The following EXOC6B variants were observed in gnomAD, a reference collection of about 807,000 sequenced individuals.
EXOC6B encodes the protein exocyst complex component 6B, also known as SEC15 homolog B.
Under a neutral mutation model 113.5 loss-of-function variants are expected in EXOC6B, and 54 were observed. The observed-to-expected ratio is 0.48, with a 90% confidence interval of 0.38 to 0.60. The LOEUF (loss-of-function observed/expected upper bound fraction) is 0.60, where lower values mean the gene tolerates loss of function less well. Ranked by LOEUF, EXOC6B falls within the 20% of genes least tolerant of loss-of-function variation. EXOC6B has a pLI of 0.00. For synonymous variants in EXOC6B, 357 were observed against 339.0 expected (o/e 1.05, Z -0.58); for missense variants, 797 against 977.5 (o/e 0.82, Z 2.46).
intron 18 of EXOC6B, among the ~76,000 whole-genome samples, chr2:72,380,406 G>A (rs1049907200): frequency 1.3e-5 from 2 of 152,144 alleles, no homozygotes; most frequent in Non-Finnish European, 2.9e-5. Context: ...TTGGGAGGCC[G>A]AGGCGGGCAG....
chr2:72,817,079 G>T (rs1686290920), intron 1 of EXOC6B, among the ~76,000 whole-genome samples: 1 of 152,090 alleles, frequency 6.6e-6, no homozygotes, highest in Non-Finnish European at 1.5e-5. Context: ...ATATTGTAAT[G>T]AAACTTATTT....
intron 6 of EXOC6B, among the ~76,000 whole-genome samples, chr2:72,687,697 A>G (rs991962182): frequency 6.6e-6 from 1 of 152,178 alleles, no homozygotes; most frequent in African/African-American, 2.4e-5. Context: ...GCTTAAGAGG[A>G]GGTTAGACCC....
Position 72,197,252 on chromosome 2 carries a change from C to G in EXOC6B, c.2197-13065G>C, listed in dbSNP as rs1679229475. 2.6e-5 allele frequency among the ~76,000 whole-genome samples: 4 copies of G among 151,978 alleles called. No individual in the cohort carries two copies. In the South Asian group the frequency reaches 8.3e-4, roughly 32 times the overall value. ...TTTTATAGATAAAGAAAAGAAATCC[C>G]AAAAAGGTTAAAAGAATGGGCCAAA... On this transcript the variant is annotated intron_variant, in intron 20 of 21. Coordinates refer to ENST00000272427, the MANE Select transcript of EXOC6B (RefSeq NM_015189.3).
chr2:72,468,749 A>G (rs1272864235), intron 17 of EXOC6B, among the ~76,000 whole-genome samples: 1 of 152,126 alleles, frequency 6.6e-6, no homozygotes, highest in Non-Finnish European at 1.5e-5. Flanking sequence ...AATTCTAACG[A>G]TGTTAATTTT....
intron 18 of EXOC6B, chr2:72,464,565 A>G (rs1321889308): frequency 6.6e-6 from 1 of 152,266 alleles, no homozygotes; most frequent in African/African-American, 2.4e-5. Context: ...ACCACCTGGA[A>G]TCTCTACATA....
chr2:72,505,080 A>G (rs944123201), intron 11 of EXOC6B, among the ~76,000 whole-genome samples: 2 of 152,018 alleles, frequency 1.3e-5, no homozygotes, highest in Non-Finnish European at 2.9e-5. Flanking sequence ...TTTTCTTATA[A>G]TTTTATTGTA....
chr2:72,353,120 C>A (rs944445544), intron 19 of EXOC6B, among the ~76,000 whole-genome samples: 1 of 152,000 alleles, frequency 6.6e-6, no homozygotes, highest in Non-Finnish European at 1.5e-5. Context: ...GAGGGGCACC[C>A]GTGCTAAATA....
chr2:72,629,271 G>T (rs1231412138), intron 6 of EXOC6B, among the ~76,000 whole-genome samples: 1 of 152,108 alleles, frequency 6.6e-6, no homozygotes, highest in African/African-American at 2.4e-5. Context: ...AGAAACTAGA[G>T]CAGTACTATT....
intron 18 of EXOC6B, among the ~76,000 whole-genome samples, chr2:72,423,706 C>G (rs1238296723): frequency 6.6e-6 from 1 of 152,134 alleles, no homozygotes; most frequent in East Asian, 1.9e-4. Context: ...TCTACTCACA[C>G]ATACATGCAT....
intron 19 of EXOC6B, among the ~76,000 whole-genome samples, chr2:72,357,714 A>T (rs1690055753): frequency 6.6e-6 from 1 of 152,014 alleles, no homozygotes; most frequent in Non-Finnish European, 1.5e-5. Flanking sequence ...TGATAATGGA[A>T]CTGAAAAATT....
chr2:72,480,822 G>T, intron 16 of EXOC6B, 72 bp from the exon 17 acceptor site: 1 of 1,445,192 alleles, frequency 6.9e-7, no homozygotes, highest in Non-Finnish European at 9.3e-7. Context: ...ATATGAATCT[G>T]CCGGTACAAA....
intron 20 of EXOC6B, among the ~76,000 whole-genome samples, chr2:72,201,405 C>A (rs983411947): frequency 6.6e-6 from 1 of 151,448 alleles, no homozygotes. Flanking sequence ...GGGTTATCAT[C>A]CTTTATCACT....
chr2:72,579,842 C>A (rs1320934690), intron 6 of EXOC6B, among the ~76,000 whole-genome samples: 2 of 152,006 alleles, frequency 1.3e-5, no homozygotes, highest in East Asian at 3.9e-4. Flanking sequence ...AAGATTTAGG[C>A]CTTAGAGGCC....
At chr2:72,714,344 C>CA (rs1679466342) in intron 6 of EXOC6B, among the ~76,000 whole-genome samples, 1 of 152,148 alleles carries the variant, frequency 6.6e-6, no homozygotes, top group Non-Finnish European at 1.5e-5. Flanking sequence ...TGTGGCAAAA[C>CA]AACTGGTAAA....
intron 6 of EXOC6B, among the ~76,000 whole-genome samples, chr2:72,667,459 A>G (rs1489736555): frequency 6.6e-6 from 1 of 152,224 alleles, no homozygotes; most frequent in Non-Finnish European, 1.5e-5. Context: ...GAATCACATT[A>G]CCTGACTTCA....
At chr2:72,182,819 C>A in intron 21 of EXOC6B, 1 of 1,018,486 alleles carries the variant, frequency 9.8e-7, no homozygotes, top group South Asian at 5.0e-5. Context: ...TTAGTGTAGT[C>A]ATTAGTGTCA....
At chr2:72,429,952 T>C (rs1695426298) in intron 18 of EXOC6B, among the ~76,000 whole-genome samples, 1 of 152,234 alleles carries the variant, frequency 6.6e-6, no homozygotes, top group African/African-American at 2.4e-5. Context: ...GAAATGACAC[T>C]GTTTGGGATG....
chr2:72,228,333 T>G, intron 20 of EXOC6B, among the ~76,000 whole-genome samples: 1 of 152,072 alleles, frequency 6.6e-6, no homozygotes, highest in Non-Finnish European at 1.5e-5. Context: ...TTGTTACATA[T>G]GTATACATGT....
At chr2:72,501,503 G>A (rs1700316907) in intron 11 of EXOC6B, among the ~76,000 whole-genome samples, 1 of 152,038 alleles carries the variant, frequency 6.6e-6, no homozygotes, top group Non-Finnish European at 1.5e-5. Context: ...CCAGTCTCAA[G>A]TATTACTTTA....
Sources: allele counts gnomAD v4.1 joint callset (sites outside exome capture counted in the v4.1 genomes callset), GRCh38; gene constraint gnomAD v4.1.1; transcripts MANE v1.5; gene names NCBI Gene and HGNC (gene_info 2026-07-23, HGNC 2026-07-21).